Variants in ATF7 observed in about 807,000 individuals in gnomAD.
The protein encoded by ATF7 is activating transcription factor 7.
Under a neutral mutation model 50.4 loss-of-function variants are expected in ATF7, and 10 were observed. That is an observed-to-expected ratio of 0.20 (90% CI 0.12 to 0.34). The LOEUF is 0.34. ATF7 is among the 10% of genes least tolerant of loss of function. The probability of loss-of-function intolerance (pLI) is 1.00; values close to 1 mark genes in which losing one functional copy is unlikely to be tolerated. For missense variants in ATF7, 465 were observed against 613.9 expected (o/e 0.76, Z 2.56); for synonymous variants, 201 against 226.4 (o/e 0.89, Z 1.01).
chr12:53,550,557 T>C (rs2137494296), intron 3 of ATF7, among the ~76,000 whole-genome samples: 1 of 151,616 alleles, frequency 6.6e-6, no homozygotes, highest in South Asian at 2.1e-4. Flanking sequence ...GCAGGGAGAA[T>C]AGGAAGGAAT....
chr12:53,546,732 G>A (rs529346209), intron 3 of ATF7, among the ~76,000 whole-genome samples: 129 of 151,618 alleles, frequency 8.5e-4, no homozygotes, highest in African/African-American at 2.9e-3. Flanking sequence ...TTACAGGCAT[G>A]AGCCACCGCA....
downstream of ATF7, among the ~76,000 whole-genome samples, chr12:53,509,503 CT>C (rs1337552672): frequency 6.7e-3 from 905 of 135,004 alleles, 4 homozygotes; most frequent in South Asian, 0.016. Flanking sequence ...TACACTCCAG[CT>C]TTTTTTTTTT....
intron 2 of ATF7, among the ~76,000 whole-genome samples, chr12:53,557,216 G>T (rs1458035220): frequency 1.3e-5 from 2 of 152,022 alleles, no homozygotes; most frequent in Non-Finnish European, 2.9e-5. Context: ...TTTCTTGTTT[G>T]TTTGAGACAG....
rs1389939403 is a variant in ATF7, at chr12:53,524,150, A to G, written c.1125+414T>C. ...CAGAAGGAAAAATAACATTCAAGAG[A>G]AGGTATGGATTATAGATTATAATTA... On this transcript the variant is annotated intron_variant, in intron 10 of 11. Coordinates refer to ENST00000420353, the MANE Select transcript of ATF7 (RefSeq NM_006856.3). This position sits in a 1 kb window ranked among gnomAD's most constrained non-coding sequence, Gnocchi z 4.6. Among the ~76,000 whole-genome samples the G allele has an allele frequency of 6.6e-6, 1 of 152,170 alleles. No homozygotes were observed. The highest frequency in any genetic ancestry group is 1.5e-5 in the Non-Finnish European group (1 of 68,022).
intron 2 of ATF7, among the ~76,000 whole-genome samples, chr12:53,593,022 T>TTAAACCTTTCTTTCAGAAA (rs1943011444): frequency 1.3e-5 from 2 of 152,156 alleles, no homozygotes; most frequent in South Asian, 4.1e-4. Flanking sequence ...GTTTATCATT[T>TTAAACCTTTCTTTCAGAAA]GGTTATAAAG....
chr12:53,539,686 C>CAATGAATGAATG (rs144445994), intron 4 of ATF7, among the ~76,000 whole-genome samples: 6 of 148,448 alleles, frequency 4.0e-5, no homozygotes, highest in East Asian at 2.0e-4. Flanking sequence ...AAGATCCTGT[C>CAATGAATGAATG]AATGAATGAA....
chr12:53,622,928 A>G (rs1185579889), intron 1 of ATF7, among the ~76,000 whole-genome samples: 3 of 152,194 alleles, frequency 2.0e-5, no homozygotes, highest in African/African-American at 4.8e-5. Context: ...GGACTAGAAG[A>G]TAACTTTAGC....
At chr12:53,623,629 A>G (rs1239694963) in intron 1 of ATF7, among the ~76,000 whole-genome samples, 1 of 152,188 alleles carries the variant, frequency 6.6e-6, no homozygotes, top group Non-Finnish European at 1.5e-5. Context: ...GTTCCACCTA[A>G]AACTTCCTTG....
intron 1 of ATF7, among the ~76,000 whole-genome samples, chr12:53,602,210 G>A (rs866342938): frequency 3.9e-5 from 6 of 152,178 alleles, no homozygotes; most frequent in East Asian, 1.9e-4. Context: ...GAATACGAAC[G>A]AGGGAAGATG....
At chr12:53,548,857 C>G (rs1287825827) in intron 3 of ATF7, among the ~76,000 whole-genome samples, 1 of 152,094 alleles carries the variant, frequency 6.6e-6, no homozygotes, top group Non-Finnish European at 1.5e-5. Context: ...TGGTGGTGCA[C>G]ATCTGTAGTC....
intron 3 of ATF7, among the ~76,000 whole-genome samples, chr12:53,550,388 G>C (rs1191210338): frequency 6.7e-6 from 1 of 148,788 alleles, no homozygotes; most frequent in South Asian, 2.1e-4. Context: ...AATAAATAAA[G>C]AGAAAACAGG....
chr12:53,531,528 G>A (rs1938890918), intron 9 of ATF7, among the ~76,000 whole-genome samples: 1 of 151,688 alleles, frequency 6.6e-6, no homozygotes, highest in Non-Finnish European at 1.5e-5. Context: ...GTGTGTTTTT[G>A]TTATTACATG....
At chr12:53,568,269 A>G (rs1399941921) in intron 2 of ATF7, among the ~76,000 whole-genome samples, 1 of 152,212 alleles carries the variant, frequency 6.6e-6, no homozygotes, top group Non-Finnish European at 1.5e-5. Flanking sequence ...GTACTGTAAC[A>G]GTCAAGCCAA....
intron 2 of ATF7, chr12:53,574,877 G>C (rs1269861638): frequency 2.8e-6 from 1 of 354,122 alleles, no homozygotes; most frequent in African/African-American, 2.2e-5. Flanking sequence ...AAGATGGGGA[G>C]CATTCAAGTG....
chr12:53,600,969 G>A lies in ATF7; in HGVS notation c.32C>T (p.Ala11Val). ...TAAACGTACCTGTCCACAGCCCGGG[G>A]CATTGCACACAAACGGTCTGTCGTC... MGDDRPFVCN[A>V]PGCGQRFTNE... The change falls in exon 2 of 12, where the codon GCC becomes GTC. Residue 11 changes from alanine to valine, a missense_variant. Transcript: ENST00000420353. The A allele has an allele frequency of 6.2e-7, 1 of 1,613,358 alleles. No individual in the cohort carries two copies. The highest frequency in any genetic ancestry group is 8.5e-7 in the Non-Finnish European group (1 of 1,179,658).
At chr12:53,570,273 T>C (rs961477964) in intron 2 of ATF7, among the ~76,000 whole-genome samples, 1 of 152,164 alleles carries the variant, frequency 6.6e-6, no homozygotes, top group Non-Finnish European at 1.5e-5. Flanking sequence ...CTCCATTATA[T>C]CATAATGTAG....
chr12:53,543,281 G>C, intron 4 of ATF7, 49 bp downstream of exon 4: 1 of 1,553,114 alleles, frequency 6.4e-7, no homozygotes, highest in Non-Finnish European at 8.7e-7. Flanking sequence ...AATAAAAATA[G>C]CCTAGGTCTG....
chr12:53,566,900 C>A (rs181962120), intron 2 of ATF7, among the ~76,000 whole-genome samples: 3 of 152,286 alleles, frequency 2.0e-5, no homozygotes, highest in East Asian at 3.9e-4. Context: ...ATTACAGACA[C>A]ACGCCACCAT....
intron 2 of ATF7, among the ~76,000 whole-genome samples, chr12:53,554,394 G>A (rs991581903): frequency 7.3e-5 from 11 of 151,266 alleles, no homozygotes; most frequent in African/African-American, 2.7e-4. Context: ...GCCTCCCAAA[G>A]TGCTGGTATT....
Sources: gnomAD v4.1 joint callset for allele counts (sites outside exome capture counted in the v4.1 genomes callset) on GRCh38, gnomAD v4.1.1 for gene constraint, Gnocchi (gnomAD v3.1) non-coding constraint, MANE v1.5 for transcripts, NCBI Gene and HGNC (gene_info 2026-07-23, HGNC 2026-07-21) for gene names.